The following KIAA1328 variants were observed in gnomAD, a reference collection of about 807,000 sequenced individuals.
The protein encoded by KIAA1328 is protein hinderin.
KIAA1328 carries 52 observed loss-of-function variants against 68.1 expected under a neutral mutation model. The observed-to-expected ratio is 0.76, with a 90% confidence interval of 0.61 to 0.96. The LOEUF (loss-of-function observed/expected upper bound fraction) is 0.96. Among genes scored for constraint, KIAA1328 ranks in the 40% least tolerant of loss-of-function variants. The pLI is 0.00. For synonymous variants in KIAA1328, 232 were observed against 239.4 expected, an observed-to-expected ratio of 0.97 and a Z score of 0.28; for missense variants, 641 against 677.6, an observed-to-expected ratio of 0.95 and a Z score of 0.60.
intron 3 of KIAA1328, among the ~76,000 whole-genome samples, chr18:36,840,738 A>G (rs759177498): frequency 9.9e-5 from 15 of 152,218 alleles, no homozygotes; most frequent in East Asian, 1.9e-4. Context: ...GGCATGAGCC[A>G]CTGTGCCCAG....
At chr18:37,207,426 A>G (rs1568534271) in intron 9 of KIAA1328, among the ~76,000 whole-genome samples, 1 of 152,196 alleles carries the variant, frequency 6.6e-6, no homozygotes, top group Non-Finnish European at 1.5e-5. Context: ...GAGTGCTCAG[A>G]TTTTGAAGCT....
chr18:36,941,421 C>T (rs1480777169), intron 5 of KIAA1328, among the ~76,000 whole-genome samples: 1 of 151,856 alleles, frequency 6.6e-6, no homozygotes, highest in Non-Finnish European at 1.5e-5. Context: ...GTGGTAAAAC[C>T]CTATCTCAAC....
At chr18:37,195,182 G>A (rs1240757020) in intron 9 of KIAA1328, among the ~76,000 whole-genome samples, 1 of 152,012 alleles carries the variant, frequency 6.6e-6, no homozygotes, top group African/African-American at 2.4e-5. Flanking sequence ...CTGTGCTATT[G>A]AATACTAGAA....
chr18:36,884,605 C>T (rs545777351), intron 4 of KIAA1328, among the ~76,000 whole-genome samples: 1 of 152,262 alleles, frequency 6.6e-6, no homozygotes, highest in East Asian at 1.9e-4. Context: ...AGTAGAGTAG[C>T]GTTCTGAGCA....
intron 4 of KIAA1328, among the ~76,000 whole-genome samples, chr18:36,885,105 A>T (rs1462296797): frequency 2.6e-5 from 4 of 152,102 alleles, no homozygotes; most frequent in Non-Finnish European, 5.9e-5. Flanking sequence ...AAAATTGCCT[A>T]TGTATATTTA....
At chr18:36,919,318 C>T (rs2049830807) in intron 5 of KIAA1328, among the ~76,000 whole-genome samples, 1 of 152,064 alleles carries the variant, frequency 6.6e-6, no homozygotes, top group South Asian at 2.1e-4. Flanking sequence ...TTCAGTGTAT[C>T]TCTTATAGAC....
rs1309739188 is a variant in KIAA1328 at position 37,225,150 on chromosome 18, CAGG to C, written c.*2924_*2926del. 1.0e-6 allele frequency: 1 copy of C among 985,008 alleles called. No homozygotes were observed. Among genetic ancestry groups the C allele is most frequent in the Non-Finnish European group, 1.2e-6 (1 of 829,710 alleles). 61.0% of individuals were successfully genotyped at this position (985,008 alleles called of 1,614,324 possible). On this transcript the variant is annotated 3_prime_UTR_variant, in exon 10 of 10. Transcript: ENST00000280020. ...AATAGAGATCTTCTGGCCAGAGAATCAGGGGAGAGGAGAGGCCTGATGGGGCAG... is the reference window on the plus strand; with the variant it reads ...AATAGAGATCTTCTGGCCAGAGAATCGGAGAGGAGAGGCCTGATGGGGCAG...
chr18:37,077,626 CA>C (rs1159237616), intron 7 of KIAA1328, among the ~76,000 whole-genome samples: 3 of 151,634 alleles, frequency 2.0e-5, no homozygotes, highest in Non-Finnish European at 4.4e-5. Flanking sequence ...TAAGCAACTT[CA>C]GCAAAGTCTC....
At chr18:37,005,600 G>A (rs2053753106) in intron 6 of KIAA1328, among the ~76,000 whole-genome samples, 1 of 151,936 alleles carries the variant, frequency 6.6e-6, no homozygotes, top group South Asian at 2.1e-4. Context: ...GCCACCACTG[G>A]GTCTGTATTC....
At chr18:37,100,318 A>T (rs1157862335) in intron 7 of KIAA1328, among the ~76,000 whole-genome samples, 1 of 152,176 alleles carries the variant, frequency 6.6e-6, no homozygotes, top group African/African-American at 2.4e-5. Flanking sequence ...GGTCACTCCC[A>T]CCCTAATACT....
At chr18:37,135,136 A>G (rs1328251278) in intron 7 of KIAA1328, among the ~76,000 whole-genome samples, 1 of 152,076 alleles carries the variant, frequency 6.6e-6, no homozygotes, top group East Asian at 1.9e-4. Flanking sequence ...TGCCTTCGCT[A>G]TTGTGAATAG....
intron 5 of KIAA1328, among the ~76,000 whole-genome samples, chr18:36,950,083 C>T (rs1476996589): frequency 6.6e-6 from 1 of 152,084 alleles, no homozygotes; most frequent in Non-Finnish European, 1.5e-5. Context: ...TTTTCAGTTG[C>T]ATATATTATC....
At chr18:37,151,433 T>G (rs538484994) in intron 7 of KIAA1328, among the ~76,000 whole-genome samples, 34 of 152,298 alleles carry the variant, frequency 2.2e-4, no homozygotes, top group African/African-American at 7.7e-4. Context: ...ATTCTGAAAT[T>G]TATATGGAAA....
chr18:36,998,439 G>A (rs2053473905), intron 6 of KIAA1328, among the ~76,000 whole-genome samples: 1 of 152,134 alleles, frequency 6.6e-6, no homozygotes, highest in South Asian at 2.1e-4. Context: ...GCTCCTGCTG[G>A]GATCCAAACA....
intron 5 of KIAA1328, among the ~76,000 whole-genome samples, chr18:36,926,659 A>G (rs2050130298): frequency 6.6e-6 from 1 of 152,180 alleles, no homozygotes; most frequent in African/African-American, 2.4e-5. Context: ...CTAAAGGCAG[A>G]GAATGTTCAT....
intron 5 of KIAA1328, among the ~76,000 whole-genome samples, chr18:36,913,534 G>T (rs1430660913): frequency 2.0e-5 from 1 of 49,150 alleles, no homozygotes; most frequent in Non-Finnish European, 5.0e-5. Flanking sequence ...TTAGAGGAAA[G>T]CAACTGCCTA....
intron 5 of KIAA1328, among the ~76,000 whole-genome samples, chr18:36,931,214 G>GTCC (rs1021961703): frequency 1.3e-5 from 2 of 152,046 alleles, no homozygotes; most frequent in African/African-American, 4.8e-5. Flanking sequence ...TAGGTCAGGG[G>GTCC]TCCCCAGCCC....
At position 37,023,874 on chromosome 18, in the gene KIAA1328, T is replaced by G. The variant is rs1262420721; in HGVS notation, c.577-43016T>G. 3.9e-5 allele frequency among the ~76,000 whole-genome samples: 6 copies of G among 152,184 alleles called. No individual in the cohort carries two copies. In the East Asian group the frequency reaches 1.2e-3, roughly 29 times the overall value. ...TCTTACATGGGTAAATTGTATGTAATGGGGGTTTGGTGTACAGATTATTTT... is the reference window on the plus strand; with the variant it reads ...TCTTACATGGGTAAATTGTATGTAAGGGGGGTTTGGTGTACAGATTATTTT... On this transcript the variant is annotated intron_variant, in intron 6 of 9. Transcript: ENST00000280020.
At chr18:36,947,631 C>G (rs537494146) in intron 5 of KIAA1328, among the ~76,000 whole-genome samples, 118 of 152,188 alleles carry the variant, frequency 7.8e-4, no homozygotes, top group African/African-American at 2.6e-3. Context: ...TAGGTGGCCA[C>G]CCTTAGAGGC....
Sources: gnomAD v4.1 joint callset for allele counts (sites outside exome capture counted in the v4.1 genomes callset) on GRCh38, gnomAD v4.1.1 for gene constraint, MANE v1.5 for transcripts, NCBI Gene and HGNC (gene_info 2026-07-23, HGNC 2026-07-21) for gene names.